The following VCAN variants were observed in gnomAD, a reference collection of about 807,000 sequenced individuals.
VCAN encodes the protein versican core protein.
Under a neutral mutation model 245.5 loss-of-function variants are expected in VCAN, and 44 were observed. The observed-to-expected ratio is 0.18, with a 90% confidence interval of 0.14 to 0.23. The LOEUF is 0.23. VCAN is among the 10% of genes least tolerant of loss of function. The pLI, the probability that VCAN is intolerant of heterozygous loss-of-function variation, is 1.00. For missense variants in VCAN, 3,793 were observed against 4,057.9 expected, an observed-to-expected ratio of 0.93 and a Z score of 1.77; for synonymous variants, 1,413 against 1,437.0, an observed-to-expected ratio of 0.98 and a Z score of 0.38.
Position 83,539,538 on chromosome 5 carries a change from A to T in VCAN, c.6535A>T (p.Asn2179Tyr), listed in dbSNP as rs2112445079. The T allele has an allele frequency of 6.2e-7, 1 of 1,614,054 alleles. No homozygotes were observed. The highest frequency in any genetic ancestry group is 1.3e-5 in the African/African-American group (1 of 75,054). ...GAAGGAGGAAGACACTTCTTTAGTTAACATGTCTACTCCAGATCCAGATGC... is the reference window on the plus strand; with the variant it reads ...GAAGGAGGAAGACACTTCTTTAGTTTACATGTCTACTCCAGATCCAGATGC... ...EMKEEDTSLV[N>Y]MSTPDPDANG... is the part of the protein sequence containing the mutation. The change falls in exon 8 of 15, where the codon AAC (asparagine) becomes TAC (tyrosine). Residue 2179 changes from asparagine (N) to tyrosine (Y), a missense_variant. Physicochemically the swap from Asn to Tyr is moderately radical, Grantham distance 143 (BLOSUM62 -2). Coordinates refer to ENST00000265077, the MANE Select transcript of VCAN (RefSeq NM_004385.5).
chr5:83,520,516 C>G lies in VCAN; in HGVS notation c.2210C>G (p.Thr737Arg), dbSNP rs1746041365. 1 of 1,614,032 alleles carries G rather than the reference C, an allele frequency of 6.2e-7. No homozygotes were observed. Among genetic ancestry groups the G allele is most frequent in the Non-Finnish European group, 8.5e-7 (1 of 1,179,982 alleles). ...TCTCTCTCAGAGCCAATTCATGTTA[C>G]AGAGTCTTCTGTGGAAATGACCAAG... is the stretch of plus-strand genomic sequence containing the variant. ...STSLSEPIHV[T>R]ESSVEMTKSF... is the part of the protein sequence containing the mutation. Residue 737 changes from threonine (T) to arginine (R), a missense_variant, in exon 7 of 15, where the codon ACA becomes AGA. Around this residue, in one of 5 missense-constraint regions of VCAN, gnomAD observed 3,182 missense variants for 3,250.3 expected, o/e 0.98. Transcript: ENST00000265077.
chr5:83,525,430 C>A (rs1746257541), intron 7 of VCAN, among the ~76,000 whole-genome samples: 1 of 151,982 alleles, frequency 6.6e-6, no homozygotes, highest in Non-Finnish European at 1.5e-5. Flanking sequence ...CTCTAAATCA[C>A]CTGAAATGTT....
intron 1 of VCAN, among the ~76,000 whole-genome samples, chr5:83,474,108 G>C (rs973239420): frequency 6.6e-6 from 1 of 152,084 alleles, no homozygotes; most frequent in Non-Finnish European, 1.5e-5. Context: ...TGAACCCAAC[G>C]CTAGGGCCCC....
rs769188584 is a variant in VCAN at position 83,512,191 on chromosome 5, A to G, written c.837A>G (p.Thr279=). Residue 279 remains threonine, a synonymous_variant, in exon 6 of 15, where the codon ACA becomes ACG. Transcript: ENST00000265077. ...AAAACCAGGATGCCAGGCTGGCAAC[A>G]GTGGGGGAACTCCAGGCGGCATGGA... The part of the protein sequence containing the change: ...ECENQDARLA[T]VGELQAAWRN... 1 of 1,614,128 alleles carries G rather than the reference A, an allele frequency of 6.2e-7. No homozygotes were observed. Among genetic ancestry groups the G allele is most frequent in the Admixed American group, 1.7e-5 (1 of 60,020 alleles).
intron 5 of VCAN, among the ~76,000 whole-genome samples, chr5:83,501,762 A>C (rs1369968660): frequency 6.6e-6 from 1 of 152,102 alleles, no homozygotes; most frequent in Non-Finnish European, 1.5e-5. Flanking sequence ...AAATTGTTTT[A>C]GTATTCTGGG....
chr5:83,537,592 G>A lies in VCAN; in HGVS notation c.4589G>A (p.Gly1530Asp), dbSNP rs759562583. The change falls in exon 8 of 15, where the codon GGT becomes GAT. Residue 1530 changes from glycine to aspartate, a missense_variant. Gly to Asp is a moderately conservative substitution (Grantham distance 94). Transcript: ENST00000265077. ...ESVTERDTEV[G>D]HQAHEHTEPV... ...GTCACAGAGAGAGATACTGAAGTTG[G>A]TCATCAGGCACATGAACATACTGAA... 1 of 1,613,804 alleles carries A rather than the reference G, an allele frequency of 6.2e-7. No individual in the cohort carries two copies. The highest frequency in any genetic ancestry group is 8.5e-7 in the Non-Finnish European group (1 of 1,179,910).
chr5:83,540,948 G>A lies in VCAN; in HGVS notation c.7945G>A (p.Ala2649Thr), dbSNP rs1295270206. Residue 2649 changes from alanine to threonine, a missense_variant, in exon 8 of 15, where the codon GCA becomes ACA. Transcript: ENST00000265077. ...SADVLASYTQATHDESMTYED... is the reference protein window; with the variant it reads ...SADVLASYTQTTHDESMTYED... ...TGATGTTCTGGCTAGCTACACTCAG[G>A]CAACACATGATGAATCAATGACTTA... is the stretch of plus-strand genomic sequence containing the variant. The A allele has an allele frequency of 6.2e-7, 1 of 1,613,992 alleles. No homozygotes were observed. The highest frequency in any genetic ancestry group is 1.7e-5 in the Admixed American group (1 of 59,988).
intron 1 of VCAN, among the ~76,000 whole-genome samples, chr5:83,474,535 C>G (rs1744313210): frequency 1.3e-5 from 2 of 152,240 alleles, no homozygotes; most frequent in South Asian, 4.1e-4. Context: ...CACCTCGCGC[C>G]AAGGGAGGAC....
chr5:83,542,996 A>G (rs923019020), intron 8 of VCAN, among the ~76,000 whole-genome samples: 9 of 152,192 alleles, frequency 5.9e-5, no homozygotes, highest in Admixed American at 5.2e-4. Context: ...AAAGGGTAAG[A>G]GGTGAAGGTT....
intron 7 of VCAN, among the ~76,000 whole-genome samples, chr5:83,535,393 A>G (rs1010438960): frequency 1.3e-5 from 2 of 152,064 alleles, no homozygotes; most frequent in Non-Finnish European, 2.9e-5. Flanking sequence ...GATACAAAAG[A>G]GAGTTTTCTT....
chr5:83,562,798 T>C (rs921576263), intron 12 of VCAN, among the ~76,000 whole-genome samples: 1 of 152,124 alleles, frequency 6.6e-6, no homozygotes, highest in African/African-American at 2.4e-5. Flanking sequence ...ATGGATTAAA[T>C]GCAAGTTGCT....
rs1745703726 is a variant in VCAN at position 83,512,604 on chromosome 5, G to A, written c.1042+208G>A. The A allele has an allele frequency of 8.1e-6, 5 of 615,632 alleles. No homozygotes were observed. In the South Asian group the frequency reaches 1.0e-4, roughly 13 times the overall value. The allele number at this position is 615,632 out of a possible 1,614,324, so 38.1% of individuals were successfully genotyped here. A position where few individuals can be genotyped will look rare whatever the true frequency, so the allele number is the denominator to read the frequency against. On this transcript the variant is annotated intron_variant, in intron 6 of 14. Transcript: ENST00000265077. ...GAATTTTGGCAAATGGATTTTTAGA[G>A]GGGTGAGGAAATATCAGGTTAAGCT... is the stretch of plus-strand genomic sequence containing the variant.
At chr5:83,551,507 A>C (rs991829505) in intron 10 of VCAN, among the ~76,000 whole-genome samples, 1 of 152,034 alleles carries the variant, frequency 6.6e-6, no homozygotes, top group African/African-American at 2.4e-5. Context: ...GCGAGACTCC[A>C]CCACAAAAAA....
intron 12 of VCAN, among the ~76,000 whole-genome samples, chr5:83,558,314 G>T (rs1009187376): frequency 6.6e-6 from 1 of 152,046 alleles, no homozygotes; most frequent in African/African-American, 2.4e-5. Flanking sequence ...TCTTGGTCAG[G>T]GGGATCAGTA....
At chr5:83,531,629 A>G (rs562435144) in intron 7 of VCAN, among the ~76,000 whole-genome samples, 1 of 152,326 alleles carries the variant, frequency 6.6e-6, no homozygotes, top group East Asian at 1.9e-4. Flanking sequence ...ATTGGTGTAC[A>G]TTTACGTTTA....
chr5:83,521,574 T>A lies in VCAN; in HGVS notation c.3268T>A (p.Leu1090Ile), dbSNP rs1746102396. The A allele has an allele frequency of 1.2e-6, 2 of 1,614,108 alleles. No homozygotes were observed. Among genetic ancestry groups the A allele is most frequent in the Admixed American group, 1.7e-5 (1 of 60,014 alleles). The change falls in exon 7 of 15, where the codon TTA (leucine) becomes ATA (isoleucine). Residue 1090 changes from leucine to isoleucine, a missense_variant. This residue lies in a region of VCAN where 3,182 missense variants were observed against 3,250.3 expected (regional missense o/e 0.98). Transcript: ENST00000265077. ...LLTGSERVPVLETTPVGKIDH... is the reference protein window; with the variant it reads ...LLTGSERVPVIETTPVGKIDH... ...GACAGGTTCTGAGAGGGTCCCAGTT[T>A]TAGAAACAACTCCAGTTGGAAAAAT... is the stretch of plus-strand genomic sequence containing the variant.
intron 7 of VCAN, among the ~76,000 whole-genome samples, chr5:83,525,122 G>A (rs1485423221): frequency 3.3e-5 from 5 of 149,738 alleles, no homozygotes; most frequent in African/African-American, 1.2e-4. Flanking sequence ...TGCTCAAATG[G>A]ATCTTAATAG....
intron 12 of VCAN, among the ~76,000 whole-genome samples, chr5:83,567,426 G>A (rs1025725308): frequency 3.0e-4 from 45 of 151,932 alleles, no homozygotes; most frequent in South Asian, 1.5e-3. Context: ...TCAGCCTCCC[G>A]AGTAGCTGGG....
intron 7 of VCAN, among the ~76,000 whole-genome samples, chr5:83,523,538 G>A (rs1010974060): frequency 6.6e-6 from 1 of 151,852 alleles, no homozygotes; most frequent in Non-Finnish European, 1.5e-5. Context: ...CAAACAAGTA[G>A]CGTTATTGTC....
Sources: gnomAD v4.1 joint callset for allele counts (sites outside exome capture counted in the v4.1 genomes callset) on GRCh38, gnomAD v4.1.1 for gene constraint, gnomAD v4.1.1 regional missense constraint, MANE v1.5 for transcripts, NCBI Gene and HGNC (gene_info 2026-07-23, HGNC 2026-07-21) for gene names.